Variants in MYCBP2 observed in about 807,000 individuals in gnomAD.
The protein encoded by MYCBP2 is E3 ubiquitin-protein ligase MYCBP2.
A neutral mutation model predicts 525.3 loss-of-function variants in MYCBP2; 120 were observed. The observed-to-expected ratio is 0.23, with a 90% CI of 0.20 to 0.27. The LOEUF (loss-of-function observed/expected upper bound fraction) is 0.27, where lower values mean the gene tolerates loss of function less well. Among genes scored for constraint, MYCBP2 ranks in the 10% least tolerant of loss-of-function variants. The probability of loss-of-function intolerance (pLI) is 1.00; values close to 1 mark genes in which losing one functional copy is unlikely to be tolerated. For synonymous variants in MYCBP2, 1,894 were observed against 1,955.8 expected (o/e 0.97, Z 0.83); for missense variants, 4,149 against 5,657.1 (o/e 0.73, Z 8.55).
chr13:77,252,191 C>T (rs934248585), intron 14 of MYCBP2, among the ~76,000 whole-genome samples: 5 of 152,246 alleles, frequency 3.3e-5, no homozygotes, highest in African/African-American at 7.2e-5. Context: ...GATTCCTTCA[C>T]GGCAAGAAAT....
At chr13:77,068,492 C>A in intron 70 of MYCBP2, 73 bp downstream of exon 70, 1 of 1,538,446 alleles carries the variant, frequency 6.5e-7, no homozygotes, top group Non-Finnish European at 8.8e-7. Flanking sequence ...TTAGATAATT[C>A]TCTTTGCATT....
Position 77,206,666 on chromosome 13 carries a change from A to T in MYCBP2, c.3576T>A (p.Ala1192=). 1 of 1,597,522 alleles carries T rather than the reference A, an allele frequency of 6.3e-7. No homozygotes were observed. Among genetic ancestry groups the T allele is most frequent in the East Asian group, 2.2e-5 (1 of 44,634 alleles). Residue 1192 remains alanine (A), a synonymous_variant, in exon 24 of 83, where the codon GCT becomes GCA. Coordinates refer to ENST00000544440, the MANE Select transcript of MYCBP2 (RefSeq NM_015057.5). ...TCGCAACCCTACCTAAAATGTGCAAAGCTGCATGAGATCGGGTAGTGAGGG... is the reference window on the plus strand; with the variant it reads ...TCGCAACCCTACCTAAAATGTGCAATGCTGCATGAGATCGGGTAGTGAGGG... ...SRALTTRSHA[A]LHILGCLDTL...
intron 1 of MYCBP2, among the ~76,000 whole-genome samples, chr13:77,321,648 C>G (rs1382145090): frequency 6.6e-6 from 1 of 152,208 alleles, no homozygotes; most frequent in Non-Finnish European, 1.5e-5. Flanking sequence ...CCTACTGTTA[C>G]CTACATACAA....
chr13:77,065,710 TTC>T (rs1384536197), intron 72 of MYCBP2, among the ~76,000 whole-genome samples: 1 of 152,234 alleles, frequency 6.6e-6, no homozygotes, highest in Non-Finnish European at 1.5e-5. Context: ...TTGAATCAAG[TTC>T]TTTCTTAGGG....
At chr13:77,122,038 A>G (rs980711985) in intron 54 of MYCBP2, among the ~76,000 whole-genome samples, 1 of 152,082 alleles carries the variant, frequency 6.6e-6, no homozygotes, top group Non-Finnish European at 1.5e-5. Flanking sequence ...AAATAGAAGG[A>G]TAATAATAAA....
Position 77,180,399 on chromosome 13 carries a change from T to C in MYCBP2, c.4942-81A>G, listed in dbSNP as rs41288246. The C allele has an allele frequency of 7.5e-3, 9,000 of 1,203,530 alleles. 47 individuals carry two copies. The highest frequency in any genetic ancestry group is 0.013 in the Middle Eastern group (57 of 4,344). The allele number at this position is 1,203,530 out of a possible 1,614,324, so 74.6% of individuals were successfully genotyped here. A position where few individuals can be genotyped will look rare whatever the true frequency, so the allele number is the denominator to read the frequency against. On this transcript the variant is annotated intron_variant, in intron 33 of 82. Transcript: ENST00000544440. ...ACTCAATTTGAAAACCTTGTCTTTC[T>C]GATACTCTTAAAATTCAGACTTGAA...
intron 52 of MYCBP2, among the ~76,000 whole-genome samples, chr13:77,131,684 A>G (rs1293245818): frequency 1.3e-5 from 2 of 152,236 alleles, no homozygotes; most frequent in African/African-American, 2.4e-5. Flanking sequence ...AGATTATTAT[A>G]AGCACAGCTT....
At chr13:77,088,341 A>G (rs1357973781) in intron 61 of MYCBP2, among the ~76,000 whole-genome samples, 2 of 152,138 alleles carry the variant, frequency 1.3e-5, no homozygotes, top group Non-Finnish European at 2.9e-5. Flanking sequence ...ATATATTCAT[A>G]TAATTCCCAT....
At chr13:77,077,497 G>A (rs780646524) in intron 66 of MYCBP2, 110 bp from the exon 67 acceptor site, 98 of 1,322,600 alleles carry the variant, frequency 7.4e-5, no homozygotes, top group Non-Finnish European at 9.3e-5. Context: ...ATTGCACAGA[G>A]TAAAGGTTAT....
intron 46 of MYCBP2, among the ~76,000 whole-genome samples, chr13:77,152,795 G>T (rs1364660906): frequency 1.3e-5 from 2 of 152,146 alleles, no homozygotes; most frequent in Non-Finnish European, 2.9e-5. Context: ...GCTGGGCGCG[G>T]TGGCTCACGC....
chr13:77,194,289 A>G (rs1316784098), intron 26 of MYCBP2, 45 bp from the exon 27 acceptor site: 3 of 1,353,180 alleles, frequency 2.2e-6, no homozygotes, highest in African/African-American at 2.9e-5. Context: ...TCAGCTATAC[A>G]TATCTGATGA....
At chr13:77,053,765 G>C (rs1310154637) in intron 80 of MYCBP2, among the ~76,000 whole-genome samples, 1 of 152,068 alleles carries the variant, frequency 6.6e-6, no homozygotes, top group East Asian at 1.9e-4. Context: ...TCTCTACTTA[G>C]ACATCCATTC....
At chr13:77,270,233 C>T in intron 6 of MYCBP2, 63 bp downstream of exon 6, 1 of 1,525,462 alleles carries the variant, frequency 6.6e-7, no homozygotes, top group Non-Finnish European at 8.8e-7. Context: ...TAGAAACACA[C>T]AGAACACAAT....
intron 52 of MYCBP2, among the ~76,000 whole-genome samples, chr13:77,134,827 C>T (rs1427990132): frequency 6.6e-6 from 1 of 152,042 alleles, no homozygotes; most frequent in South Asian, 2.1e-4. Flanking sequence ...ATTTTTCAGT[C>T]AAATATGGTG....
At chr13:77,285,219 C>T (rs1360011466) in intron 3 of MYCBP2, among the ~76,000 whole-genome samples, 7 of 152,134 alleles carry the variant, frequency 4.6e-5, no homozygotes, top group African/African-American at 1.7e-4. Context: ...ATCTGCATAC[C>T]TGTGTAAAAA....
chr13:77,106,694 G>GA (rs1177841731), intron 55 of MYCBP2, among the ~76,000 whole-genome samples: 1 of 152,032 alleles, frequency 6.6e-6, no homozygotes, highest in Non-Finnish European at 1.5e-5. Context: ...AAAACTACTA[G>GA]ATACAATCTT....
chr13:77,069,903 A>G (rs1566375543), intron 69 of MYCBP2, among the ~76,000 whole-genome samples: 2 of 152,090 alleles, frequency 1.3e-5, no homozygotes, highest in Non-Finnish European at 2.9e-5. Context: ...GGTTAATTTA[A>G]AATCAATATT....
chr13:77,098,187 A>G lies in MYCBP2; in HGVS notation c.8967T>C (p.Ser2989=). The G allele has an allele frequency of 6.2e-7, 1 of 1,613,506 alleles. No individual in the cohort carries two copies. Among genetic ancestry groups the G allele is most frequent in the Non-Finnish European group, 8.5e-7 (1 of 1,179,726 alleles). The change falls in exon 56 of 83, where the codon AGT becomes AGC. Residue 2989 remains serine, a synonymous_variant. Coordinates refer to ENST00000544440, the MANE Select transcript of MYCBP2 (RefSeq NM_015057.5). ...TGGTGTGTCTATTAGCACATTTTCGACTTATTTTGGGAGATGCTCTCATTT... is the reference window on the plus strand; with the variant it reads ...TGGTGTGTCTATTAGCACATTTTCGGCTTATTTTGGGAGATGCTCTCATTT... ...EQEMRASPKI[S]RKCANRHTRP... is the part of the protein sequence containing the mutation.
chr13:77,067,172 T>G (rs908300937), intron 71 of MYCBP2, among the ~76,000 whole-genome samples: 4 of 152,186 alleles, frequency 2.6e-5, no homozygotes, highest in Non-Finnish European at 4.4e-5. Flanking sequence ...ACAAAAATAT[T>G]CTTCTATAAT....
Sources: gnomAD v4.1 joint callset for allele counts (sites outside exome capture counted in the v4.1 genomes callset) on GRCh38, gnomAD v4.1.1 for gene constraint, MANE v1.5 for transcripts, NCBI Gene and HGNC (gene_info 2026-07-23, HGNC 2026-07-21) for gene names.